The following AUTS2 variants were observed in gnomAD, a reference collection of about 807,000 sequenced individuals.
AUTS2 encodes the protein activator of transcription and developmental regulator AUTS2, also known as autism susceptibility gene 2 protein.
In AUTS2, 17 loss-of-function variants were observed where a neutral mutation model predicts 112.4. The ratio of observed to expected loss-of-function variants is 0.15; its 90% CI spans 0.10 to 0.23. AUTS2 has a LOEUF of 0.23. Among genes scored for constraint, AUTS2 ranks in the 10% least tolerant of loss-of-function variants. The probability of loss-of-function intolerance (pLI) is 1.00; values close to 1 mark genes in which losing one functional copy is unlikely to be tolerated. For synonymous variants in AUTS2, 751 were observed against 702.7 expected (o/e 1.07, Z -1.09); for missense variants, 1,510 against 1,701.6 (o/e 0.89, Z 1.98).
intron 4 of AUTS2, among the ~76,000 whole-genome samples, chr7:70,274,241 T>G (rs1787826424): frequency 6.6e-6 from 1 of 152,146 alleles, no homozygotes; most frequent in South Asian, 2.1e-4. Flanking sequence ...TTCTTTTTTC[T>G]TTCTCTCCCT....
intron 4 of AUTS2, among the ~76,000 whole-genome samples, chr7:70,384,429 CAT>C (rs1793517051): frequency 6.6e-6 from 1 of 152,216 alleles, no homozygotes; most frequent in South Asian, 2.1e-4. Context: ...ATTTTTGAAA[CAT>C]ATAATTGGGA....
At chr7:70,479,900 A>G (rs1797723606) in intron 5 of AUTS2, among the ~76,000 whole-genome samples, 1 of 152,244 alleles carries the variant, frequency 6.6e-6, no homozygotes, top group Non-Finnish European at 1.5e-5. Flanking sequence ...CAGGACAGAT[A>G]GACGATAACG....
chr7:69,911,482 A>G (rs1795357100), intron 2 of AUTS2, among the ~76,000 whole-genome samples: 1 of 152,194 alleles, frequency 6.6e-6, no homozygotes, highest in Non-Finnish European at 1.5e-5. Context: ...CTGCCATTCA[A>G]CAGGTCTCGA....
chr7:70,713,831 G>A (rs1810198738), intron 6 of AUTS2, among the ~76,000 whole-genome samples: 2 of 151,870 alleles, frequency 1.3e-5, no homozygotes, highest in Admixed American at 1.3e-4. Flanking sequence ...GGGAGGCAGA[G>A]CTTGCAGTGA....
chr7:70,679,723 A>G (rs928337209), intron 5 of AUTS2, among the ~76,000 whole-genome samples: 3 of 152,182 alleles, frequency 2.0e-5, no homozygotes, highest in Non-Finnish European at 2.9e-5. Flanking sequence ...TTGGTTCTCA[A>G]TGTGGCCTGC....
chr7:70,036,083 T>C (rs1800988545), intron 2 of AUTS2, among the ~76,000 whole-genome samples: 1 of 152,228 alleles, frequency 6.6e-6, no homozygotes, highest in African/African-American at 2.4e-5. Flanking sequence ...TAAATGACTT[T>C]TCTCAAAGCA....
intron 1 of AUTS2, among the ~76,000 whole-genome samples, chr7:69,668,887 AT>A (rs200256751): frequency 9.6e-4 from 146 of 151,390 alleles, no homozygotes; most frequent in East Asian, 4.1e-3. Context: ...AGAACCTGTC[AT>A]TTTTTTTTCT....
intron 1 of AUTS2, among the ~76,000 whole-genome samples, chr7:69,635,825 A>G (rs561808253): frequency 3.3e-4 from 51 of 152,324 alleles, no homozygotes; most frequent in Non-Finnish European, 5.4e-4. Flanking sequence ...ACATTTCTCT[A>G]TTGCTTACCT....
Position 70,752,656 on chromosome 7 carries a change from A to C in AUTS2, c.743-10214A>C, listed in dbSNP as rs556268233. On this transcript the variant is annotated intron_variant, in intron 6 of 18. Coordinates refer to ENST00000342771, the MANE Select transcript of AUTS2 (RefSeq NM_015570.4). ...TAACACAAAGATAGGCACATGAGGCAGGGTAGTACAAATGAGTTTTTCCCC... is the reference window on the plus strand; with the variant it reads ...TAACACAAAGATAGGCACATGAGGCCGGGTAGTACAAATGAGTTTTTCCCC... Among the ~76,000 whole-genome samples the C allele has an allele frequency of 1.5e-4, 23 of 152,308 alleles. No homozygotes were observed. In the South Asian group the frequency reaches 4.3e-3, roughly 29 times the overall value.
intron 1 of AUTS2, among the ~76,000 whole-genome samples, chr7:69,827,259 C>G (rs750023820): frequency 7.2e-5 from 11 of 152,136 alleles, no homozygotes; most frequent in Admixed American, 5.2e-4. Flanking sequence ...TGCCCCCAAT[C>G]CCAGAGAGAC....
chr7:70,107,335 C>CTTTTTT (rs35066322), intron 2 of AUTS2, among the ~76,000 whole-genome samples: 52 of 96,934 alleles, frequency 5.4e-4, no homozygotes, highest in South Asian at 8.3e-4. Context: ...AGATGAGAAG[C>CTTTTTT]TTTTTTTTTT....
chr7:69,684,162 G>T (rs1796949719), intron 1 of AUTS2, among the ~76,000 whole-genome samples: 1 of 152,162 alleles, frequency 6.6e-6, no homozygotes, highest in Admixed American at 6.5e-5. Context: ...TGGGGAGGAA[G>T]AGTCATGGGG....
intron 6 of AUTS2, 122 bp from the exon 7 acceptor site, chr7:70,762,748 A>G: frequency 7.9e-6 from 6 of 760,864 alleles, no homozygotes; most frequent in South Asian, 4.8e-5. Context: ...GACCCAAGCC[A>G]GGAGGGTTGG....
chr7:70,115,123 C>T (rs1006188684), intron 2 of AUTS2, among the ~76,000 whole-genome samples: 2 of 152,112 alleles, frequency 1.3e-5, no homozygotes, highest in African/African-American at 4.8e-5. Flanking sequence ...CCTAGATCAA[C>T]ATTTAGTCAG....
intron 2 of AUTS2, among the ~76,000 whole-genome samples, chr7:70,053,236 C>T (rs1801833594): frequency 6.6e-6 from 1 of 152,100 alleles, no homozygotes; most frequent in African/African-American, 2.4e-5. Context: ...CCCATTCCAG[C>T]CTTTGAGTTG....
rs148230839 is a variant in AUTS2, at chr7:70,474,994, T to A, written c.690+39213T>A. ...AGAATCAGGTTACCCTAGAGGGCAG[T>A]GACATTTATATCTGCTTTTTTGTTT... On this transcript the variant is annotated intron_variant, in intron 5 of 18. Coordinates refer to ENST00000342771, the MANE Select transcript of AUTS2 (RefSeq NM_015570.4). Among the ~76,000 whole-genome samples the A allele has an allele frequency of 4.6e-3, 706 of 152,298 alleles. 3 individuals are homozygous for A. The highest frequency in any genetic ancestry group is 7.3e-3 in the Non-Finnish European group (500 of 68,030).
chr7:70,361,039 G>C (rs1028074223), intron 4 of AUTS2, among the ~76,000 whole-genome samples: 5 of 152,142 alleles, frequency 3.3e-5, no homozygotes, highest in African/African-American at 1.2e-4. Context: ...GCTACACCCA[G>C]CCTCCCATAT....
At chr7:70,521,140 C>T (rs1386924036) in intron 5 of AUTS2, among the ~76,000 whole-genome samples, 1 of 152,168 alleles carries the variant, frequency 6.6e-6, no homozygotes. Flanking sequence ...CCCTGACCTT[C>T]ACCCTTGTTC....
At chr7:69,964,788 G>A (rs1018062279) in intron 2 of AUTS2, among the ~76,000 whole-genome samples, 2 of 151,172 alleles carry the variant, frequency 1.3e-5, no homozygotes, top group Non-Finnish European at 2.9e-5. Context: ...TTGCTATCAT[G>A]TCTCTAAGTA....
Sources: allele counts gnomAD v4.1 joint callset (sites outside exome capture counted in the v4.1 genomes callset), GRCh38; gene constraint gnomAD v4.1.1; transcripts MANE v1.5; gene names NCBI Gene and HGNC (gene_info 2026-07-23, HGNC 2026-07-21).